Variants in RIMS1 observed in about 807,000 individuals in gnomAD.
The protein encoded by RIMS1 is regulating synaptic membrane exocytosis 1.
Under a neutral mutation model 214.1 loss-of-function variants are expected in RIMS1, and 83 were observed. The observed-to-expected ratio is 0.39, with a 90% CI of 0.32 to 0.47. The LOEUF is 0.47. Among genes scored for constraint, RIMS1 ranks in the 20% least tolerant of loss-of-function variants. The pLI is 0.99. For missense variants in RIMS1, 2,050 were observed against 2,161.8 expected, an observed-to-expected ratio of 0.95 and a Z score of 1.03; for synonymous variants, 793 against 786.8, an observed-to-expected ratio of 1.01 and a Z score of -0.13.
chr6:72,128,232 A>C (rs1015685692), intron 4 of RIMS1, among the ~76,000 whole-genome samples: 2 of 152,144 alleles, frequency 1.3e-5, no homozygotes, highest in Admixed American at 6.6e-5. Context: ...CAAAAGTCTT[A>C]TTTAACCTTA....
At chr6:71,980,501 A>G (rs1798228940) in intron 2 of RIMS1, among the ~76,000 whole-genome samples, 1 of 152,126 alleles carries the variant, frequency 6.6e-6, no homozygotes, top group South Asian at 2.1e-4. Context: ...AATGAGTTGG[A>G]GGAATACAAA....
chr6:71,952,937 A>G (rs1456092735), intron 1 of RIMS1, among the ~76,000 whole-genome samples: 1 of 150,448 alleles, frequency 6.6e-6, no homozygotes, highest in Non-Finnish European at 1.5e-5. Flanking sequence ...TCTCACAGTA[A>G]TGGCAGTCAA....
Position 72,182,720 on chromosome 6 carries a change from G to T in RIMS1, c.1249G>T (p.Ala417Ser). 1 of 1,531,936 alleles carries T rather than the reference G, an allele frequency of 6.5e-7. No individual in the cohort carries two copies. The highest frequency in any genetic ancestry group is 8.8e-7 in the Non-Finnish European group (1 of 1,142,332). 94.9% of individuals were successfully genotyped at this position (1,531,936 alleles called of 1,614,324 possible). Reference protein sequence around the residue: ...GKAGKRAPAAARASPPDSPRA... With the variant: ...GKAGKRAPAASRASPPDSPRA... Reference sequence around the variant, plus strand: ...GGCCGGCAAACGCGCGCCGGCGGCAGCCAGGGCCTCGCCGCCGGACTCGCC... The same window carrying T: ...GGCCGGCAAACGCGCGCCGGCGGCATCCAGGGCCTCGCCGCCGGACTCGCC... The change falls in exon 6 of 34, where the codon GCC (alanine) becomes TCC (serine). Residue 417 changes from alanine (A) to serine (S), a missense_variant. Physicochemically the swap from Ala to Ser is moderately conservative, Grantham distance 99. Transcript: ENST00000521978.
intron 29 of RIMS1, among the ~76,000 whole-genome samples, chr6:72,373,557 AAAG>A (rs1348949186): frequency 3.3e-5 from 5 of 152,226 alleles, no homozygotes; most frequent in Admixed American, 2.0e-4. Context: ...AGCAAACTGG[AAAG>A]AAGAGAGGCA....
intron 2 of RIMS1, among the ~76,000 whole-genome samples, chr6:72,091,010 T>C (rs956423459): frequency 2.6e-5 from 4 of 152,200 alleles, no homozygotes; most frequent in Non-Finnish European, 5.9e-5. Context: ...AGGGAACGCG[T>C]GATGGCACTG....
intron 1 of RIMS1, among the ~76,000 whole-genome samples, chr6:71,933,001 G>A (rs756737452): frequency 1.3e-5 from 2 of 151,988 alleles, no homozygotes; most frequent in African/African-American, 2.4e-5. Context: ...ATATAATAGC[G>A]ACCCAAACTG....
intron 15 of RIMS1, 138 bp downstream of exon 15, chr6:72,251,506 A>G (rs1048135286): frequency 1.3e-5 from 9 of 685,652 alleles, no homozygotes; most frequent in Non-Finnish European, 2.1e-5. Context: ...TTATGAAGCA[A>G]CTTGGCAAAA....
At chr6:72,079,046 C>T (rs901973462) in intron 2 of RIMS1, among the ~76,000 whole-genome samples, 2 of 152,010 alleles carry the variant, frequency 1.3e-5, no homozygotes, top group African/African-American at 4.8e-5. Context: ...TTAAAAAGCC[C>T]TAAGAGTTGG....
intron 1 of RIMS1, among the ~76,000 whole-genome samples, chr6:71,912,558 C>T (rs779436939): frequency 2.6e-5 from 4 of 151,912 alleles, no homozygotes; most frequent in Non-Finnish European, 5.9e-5. Context: ...AATGTCATTG[C>T]GTTATTCTTA....
chr6:72,027,367 A>G (rs1432309159), intron 2 of RIMS1, among the ~76,000 whole-genome samples: 2 of 152,178 alleles, frequency 1.3e-5, no homozygotes, highest in Non-Finnish European at 2.9e-5. Context: ...AGAATGAGCT[A>G]TACAAAATGA....
intron 2 of RIMS1, among the ~76,000 whole-genome samples, chr6:72,024,097 AT>A (rs1815592289): frequency 6.6e-6 from 1 of 152,130 alleles, no homozygotes. Context: ...TTTAAAGGAA[AT>A]CTGCAGGTGA....
chr6:71,984,632 G>T (rs951622888), intron 2 of RIMS1, among the ~76,000 whole-genome samples: 8 of 152,146 alleles, frequency 5.3e-5, no homozygotes, highest in African/African-American at 1.9e-4. Flanking sequence ...CTATTACTCA[G>T]ACGTCTGTTT....
intron 4 of RIMS1, among the ~76,000 whole-genome samples, chr6:72,163,553 G>T (rs989891034): frequency 3.6e-5 from 5 of 140,618 alleles, no homozygotes; most frequent in African/African-American, 4.9e-5. Flanking sequence ...ATGTATAAAT[G>T]GGTTTTTGGT....
chr6:72,143,929 T>C (rs1161032260), intron 4 of RIMS1, among the ~76,000 whole-genome samples: 1 of 152,172 alleles, frequency 6.6e-6, no homozygotes, highest in Non-Finnish European at 1.5e-5. Flanking sequence ...TATCCTGGAA[T>C]TGGTGAGTAA....
intron 8 of RIMS1, among the ~76,000 whole-genome samples, chr6:72,236,207 A>T (rs2063957156): frequency 6.6e-6 from 1 of 152,114 alleles, no homozygotes; most frequent in African/African-American, 2.4e-5. Context: ...ATTTTAAATT[A>T]TATATATTTG....
In RIMS1 at chr6:72,392,921, G is replaced by A. The variant is rs143099836; in HGVS notation, c.4618+111G>A. 1.3e-3 allele frequency: 961 copies of A among 719,822 alleles called. 5 individuals carry two copies. In the African/African-American group the frequency reaches 0.015, roughly 11 times the overall value. The allele number at this position is 719,822 out of a possible 1,614,324, so 44.6% of individuals were successfully genotyped here. On this transcript the variant is annotated intron_variant, in intron 31 of 33. Transcript: ENST00000521978. Reference sequence around the variant, plus strand: ...AATACAAGTGAGAAGCAACATTTTAGCTACAGAGTTACTGTTTGCAAACAA... The same window carrying A: ...AATACAAGTGAGAAGCAACATTTTAACTACAGAGTTACTGTTTGCAAACAA...
chr6:72,273,255 A>G (rs2084357760), intron 22 of RIMS1, among the ~76,000 whole-genome samples: 1 of 152,154 alleles, frequency 6.6e-6, no homozygotes, highest in African/African-American at 2.4e-5. Flanking sequence ...ATATCTGGCA[A>G]GTTTTCAAAA....
intron 2 of RIMS1, among the ~76,000 whole-genome samples, chr6:71,978,409 A>G (rs1249089729): frequency 6.6e-6 from 1 of 152,128 alleles, no homozygotes; most frequent in African/African-American, 2.4e-5. Context: ...AAACTTATTT[A>G]AAATTTTTTA....
intron 23 of RIMS1, among the ~76,000 whole-genome samples, chr6:72,279,900 A>G (rs1350774319): frequency 1.3e-5 from 2 of 151,994 alleles, no homozygotes; most frequent in African/African-American, 4.8e-5. Flanking sequence ...AATTGAGTCT[A>G]TACTGCCTTG....
Sources: gnomAD v4.1 joint callset for allele counts (sites outside exome capture counted in the v4.1 genomes callset) on GRCh38, gnomAD v4.1.1 for gene constraint, MANE v1.5 for transcripts, NCBI Gene and HGNC (gene_info 2026-07-23, HGNC 2026-07-21) for gene names.